Variants in SAMD12 observed in about 807,000 individuals in gnomAD.
SAMD12 encodes the protein sterile alpha motif domain containing 12.
A neutral mutation model predicts 15.0 loss-of-function variants in SAMD12; 9 were observed. The ratio of observed to expected loss-of-function variants is 0.60; its 90% CI spans 0.36 to 1.05. The LOEUF is 1.05. Among genes scored for constraint, SAMD12 ranks in the 50% least tolerant of loss-of-function variants. The pLI, the probability that SAMD12 is intolerant of heterozygous loss-of-function variation, is 0.01. For synonymous variants in SAMD12, 86 were observed against 90.1 expected, an observed-to-expected ratio of 0.96 and a Z score of 0.25; for missense variants, 230 against 234.2, an observed-to-expected ratio of 0.98 and a Z score of 0.12.
exon 5 of SAMD12, chr8:118,192,031 G>A (rs1472092403): frequency 6.6e-6 from 1 of 151,354 alleles, no homozygotes; most frequent in African/African-American, 2.4e-5. Context: ...GATGGGAGAA[G>A]ACCATGATCA....
At chr8:118,245,127 T>A (rs1192506345) in intron 4 of SAMD12, among the ~76,000 whole-genome samples, 2 of 152,280 alleles carry the variant, frequency 1.3e-5, no homozygotes, top group South Asian at 2.1e-4. Context: ...GTCTTCATCA[T>A]GACCACCGCT....
At chr8:118,153,791 C>G in the SAMD12 span, among the ~76,000 whole-genome samples, 1 of 152,086 alleles carries the variant, frequency 6.6e-6, no homozygotes, top group African/African-American at 2.4e-5. Flanking sequence ...AAGCAAAAAC[C>G]TATCTACCTT....
chr8:118,600,059 A>C lies in SAMD12; in HGVS notation c.14-19166T>G, dbSNP rs377385659. On this transcript the variant is annotated intron_variant, in intron 1 of 3. Transcript: ENST00000314727. Reference sequence around the variant, plus strand: ...CTGAGACTTGCAATTCATATAGCATATGTCACGTGAAAGAAAATCTAGTCT... The same window carrying C: ...CTGAGACTTGCAATTCATATAGCATCTGTCACGTGAAAGAAAATCTAGTCT... Among the ~76,000 whole-genome samples, 108 of 152,284 alleles carry C rather than the reference A, an allele frequency of 7.1e-4. 1 individual carries two copies. The highest frequency in any genetic ancestry group is 2.3e-3 in the African/African-American group (97 of 41,578).
chr8:118,212,513 A>G (rs4876803), intron 4 of SAMD12, among the ~76,000 whole-genome samples: 76,938 of 152,092 alleles, frequency 0.51, 21,111 homozygotes, highest in Non-Finnish European at 0.62. Flanking sequence ...ATGTATCTCC[A>G]TAATAAAACG....
chr8:118,383,771 C>G (rs1819798248), intron 3 of SAMD12, among the ~76,000 whole-genome samples: 1 of 152,144 alleles, frequency 6.6e-6, no homozygotes, highest in Non-Finnish European at 1.5e-5. Flanking sequence ...TTTCACACTG[C>G]TCTTACTCCC....
chr8:118,353,903 G>A (rs1002619035), intron 4 of SAMD12, among the ~76,000 whole-genome samples: 3 of 152,026 alleles, frequency 2.0e-5, no homozygotes, highest in African/African-American at 7.2e-5. Flanking sequence ...TCCCCACCCC[G>A]CTTGCGCCTG....
At chr8:118,386,020 CAACT>C (rs1001629796) in intron 3 of SAMD12, among the ~76,000 whole-genome samples, 25 of 152,244 alleles carry the variant, frequency 1.6e-4, no homozygotes, top group African/African-American at 6.0e-4. Context: ...GAACACACAC[CAACT>C]GAGACTAGAA....
chr8:118,613,139 A>C (rs932629571), intron 1 of SAMD12, among the ~76,000 whole-genome samples: 17 of 152,226 alleles, frequency 1.1e-4, no homozygotes, highest in African/African-American at 3.9e-4. Flanking sequence ...TGGTTACAAG[A>C]CTATACATTT....
intron 2 of SAMD12, among the ~76,000 whole-genome samples, chr8:118,522,486 C>T (rs895324431): frequency 5.9e-5 from 9 of 152,090 alleles, no homozygotes; most frequent in African/African-American, 2.4e-5. Context: ...TAATCATACT[C>T]GGTCAGCAAA....
chr8:118,433,860 C>T (rs753792399), intron 3 of SAMD12, among the ~76,000 whole-genome samples: 1 of 152,140 alleles, frequency 6.6e-6, no homozygotes, highest in Non-Finnish European at 1.5e-5. Context: ...TAGTTAAATA[C>T]GTTTACATTT....
At chr8:118,337,946 A>C (rs1282663776) in intron 4 of SAMD12, among the ~76,000 whole-genome samples, 1 of 152,242 alleles carries the variant, frequency 6.6e-6, no homozygotes, top group Non-Finnish European at 1.5e-5. Flanking sequence ...GAAGAAACAA[A>C]AAGAAATTAA....
intron 2 of SAMD12, among the ~76,000 whole-genome samples, chr8:118,545,826 T>A (rs1196382840): frequency 6.6e-6 from 1 of 152,204 alleles, no homozygotes; most frequent in African/African-American, 2.4e-5. Context: ...AAGCTTCCAC[T>A]AGAGTCTTGG....
intron 4 of SAMD12, among the ~76,000 whole-genome samples, chr8:118,342,909 G>T (rs1817444883): frequency 6.6e-6 from 1 of 152,196 alleles, no homozygotes. Context: ...GGAGTTGGTG[G>T]TGGAGGTGGT....
In SAMD12 at chr8:118,379,347, T is replaced by C. The variant is rs978972599; in HGVS notation, c.*70A>G. 4 of 1,545,052 alleles carry C rather than the reference T, an allele frequency of 2.6e-6. No individual in the cohort carries two copies. The African/African-American group carries it at 4.1e-5, about 16-fold the overall frequency. ...AGTTAGCTCAGGTAATTCTGTTTGC[T>C]CATCCATTACTTATTTGTGCATCCT... On this transcript the variant is annotated 3_prime_UTR_variant, in exon 4 of 4. Transcript: ENST00000314727.
chr8:118,438,065 G>A (rs1822625272), intron 3 of SAMD12, among the ~76,000 whole-genome samples: 2 of 152,178 alleles, frequency 1.3e-5, no homozygotes, highest in South Asian at 4.1e-4. Flanking sequence ...ATTACAGTTA[G>A]GAGTAGAATA....
intron 3 of SAMD12, among the ~76,000 whole-genome samples, chr8:118,388,566 G>A (rs763466640): frequency 2.6e-5 from 4 of 151,962 alleles, no homozygotes; most frequent in Admixed American, 1.3e-4. Flanking sequence ...TTCCCATAAC[G>A]TAAGTAAGCT....
intron 4 of SAMD12, among the ~76,000 whole-genome samples, chr8:118,333,975 CTGTG>C (rs777240048): frequency 1.4e-5 from 2 of 144,664 alleles, no homozygotes; most frequent in African/African-American, 2.6e-5. Context: ...AGGGGTGTGT[CTGTG>C]TGTGTGTGTG....
Position 118,318,334 on chromosome 8 carries a change from A to G in SAMD12, c.433+61226T>C, listed in dbSNP as rs200904546. Among the ~76,000 whole-genome samples the G allele has an allele frequency of 3.3e-3, 454 of 138,836 alleles. 11 individuals carry two copies. Among genetic ancestry groups the G allele is most frequent in the African/African-American group, 9.8e-3 (368 of 37,412 alleles). 91.1% of individuals were successfully genotyped at this position (138,836 alleles called of 152,430 possible). A position where few individuals can be genotyped will look rare whatever the true frequency, so the allele number is the denominator to read the frequency against. ...TGTATATATATATATATATATATAT[A>G]TATATATATATATATATATATACAT... On this transcript the variant is annotated intron_variant, in intron 4 of 4. Transcript: ENST00000409003.
At chr8:118,165,608 A>G in the SAMD12 span, among the ~76,000 whole-genome samples, 1 of 16,664 alleles carries the variant, frequency 6.0e-5, no homozygotes, top group Admixed American at 6.4e-4. Context: ...ATATACATAT[A>G]TATATGTATA....
Sources: gnomAD v4.1 joint callset for allele counts (sites outside exome capture counted in the v4.1 genomes callset) on GRCh38, gnomAD v4.1.1 for gene constraint, MANE v1.5 for transcripts, NCBI Gene and HGNC (gene_info 2026-07-23, HGNC 2026-07-21) for gene names.